Variants in AFG2A observed in about 807,000 individuals in gnomAD.
The protein encoded by AFG2A is AAA ATPase AFG2A.
At chr4:122,975,362 C>T in the AFG2A span, among the ~76,000 whole-genome samples, 1 of 152,194 alleles carries the variant, frequency 6.6e-6, no homozygotes, top group Non-Finnish European at 1.5e-5. Context: ...CACCTCCCAT[C>T]AGTGTGTCAT....
the AFG2A span, among the ~76,000 whole-genome samples, chr4:123,081,757 A>G: frequency 6.6e-6 from 1 of 152,130 alleles, no homozygotes; most frequent in Non-Finnish European, 1.5e-5. Context: ...TTTTTACCCC[A>G]TCAGCAGTGA....
the AFG2A span, among the ~76,000 whole-genome samples, chr4:123,058,968 C>G: frequency 3.9e-5 from 6 of 152,188 alleles, no homozygotes; most frequent in Non-Finnish European, 8.8e-5. Flanking sequence ...ACCTATGAGC[C>G]TATAAAATCA....
At chr4:123,067,695 T>C in the AFG2A span, among the ~76,000 whole-genome samples, 1 of 152,128 alleles carries the variant, frequency 6.6e-6, no homozygotes, top group East Asian at 1.9e-4. Context: ...AGTTAGGAAA[T>C]TCATGTATTC....
chr4:123,196,190 T>TTTC, the AFG2A span, among the ~76,000 whole-genome samples: 1 of 145,862 alleles, frequency 6.9e-6, no homozygotes, highest in African/African-American at 2.5e-5. Flanking sequence ...TTTTTTTTTT[T>TTTC]AGTAGGGATG....
the AFG2A span, among the ~76,000 whole-genome samples, chr4:122,976,214 C>T: frequency 1.3e-5 from 2 of 152,162 alleles, no homozygotes; most frequent in Admixed American, 6.5e-5. Flanking sequence ...TGAGATTAAA[C>T]TCCTTCAAAG....
At chr4:123,162,163 A>G in the AFG2A span, among the ~76,000 whole-genome samples, 1 of 152,246 alleles carries the variant, frequency 6.6e-6, no homozygotes, top group Non-Finnish European at 1.5e-5. Flanking sequence ...TGTGTCCGGA[A>G]GAGTGTGACC....
At chr4:123,129,724 A>G in the AFG2A span, among the ~76,000 whole-genome samples, 119 of 152,242 alleles carry the variant, frequency 7.8e-4, 4 homozygotes, top group East Asian at 0.019. Flanking sequence ...CACGGGACCC[A>G]TCTTCTCTCA....
the AFG2A span, among the ~76,000 whole-genome samples, chr4:123,196,600 G>A: frequency 6.6e-6 from 1 of 152,066 alleles, no homozygotes; most frequent in Non-Finnish European, 1.5e-5. Context: ...CATGTTTGAG[G>A]AATTTCGTAT....
At chr4:123,042,147 T>C in the AFG2A span, among the ~76,000 whole-genome samples, 4 of 152,238 alleles carry the variant, frequency 2.6e-5, no homozygotes, top group African/African-American at 2.4e-5. Flanking sequence ...GTGAAGGTAA[T>C]TGTCTTATTT....
chr4:123,315,965 A>G, the AFG2A span: 1 of 151,990 alleles, frequency 6.6e-6, no homozygotes. Flanking sequence ...TTAAACAGAG[A>G]GACAGAGTCT....
the AFG2A span, among the ~76,000 whole-genome samples, chr4:123,123,185 C>A: frequency 6.6e-6 from 1 of 152,070 alleles, no homozygotes; most frequent in African/African-American, 2.4e-5. Flanking sequence ...GGTTGGAGAT[C>A]CACAGGCAAC....
the AFG2A span, among the ~76,000 whole-genome samples, chr4:123,276,814 G>T: frequency 2.0e-5 from 3 of 151,964 alleles, no homozygotes; most frequent in African/African-American, 2.4e-5. Context: ...TTATTTCTGG[G>T]TTCTCTATTC....
the AFG2A span, among the ~76,000 whole-genome samples, chr4:123,072,789 T>C: frequency 1.3e-5 from 1 of 77,986 alleles, no homozygotes; most frequent in East Asian, 5.6e-4. Flanking sequence ...TTTTGTGATA[T>C]TGGAAATGAT....
At chr4:123,099,182 C>T in the AFG2A span, among the ~76,000 whole-genome samples, 1 of 151,806 alleles carries the variant, frequency 6.6e-6, no homozygotes, top group Non-Finnish European at 1.5e-5. Flanking sequence ...CTATTCAGGT[C>T]TTTTGCCCAT....
chr4:123,196,561 T>C, the AFG2A span, among the ~76,000 whole-genome samples: 1 of 152,160 alleles, frequency 6.6e-6, no homozygotes. Flanking sequence ...AGACCATTAC[T>C]TCTGAATATT....
At chr4:123,258,584 C>G in the AFG2A span, among the ~76,000 whole-genome samples, 1 of 152,120 alleles carries the variant, frequency 6.6e-6, no homozygotes, top group Non-Finnish European at 1.5e-5. Flanking sequence ...GTTGGAGTGT[C>G]TCTTTGGCCA....
the AFG2A span, among the ~76,000 whole-genome samples, chr4:122,981,460 C>T: frequency 1.1e-5 from 1 of 89,750 alleles, no homozygotes; most frequent in African/African-American, 4.0e-5. Context: ...GTGATGCCTA[C>T]AGCTTTTTTT....
At chr4:123,279,310 T>C in the AFG2A span, among the ~76,000 whole-genome samples, 2 of 151,608 alleles carry the variant, frequency 1.3e-5, no homozygotes, top group African/African-American at 4.9e-5. Flanking sequence ...CAGCTGAGGC[T>C]GGGGCAAGGA....
chr4:123,060,709 C>T, the AFG2A span, among the ~76,000 whole-genome samples: 1 of 152,166 alleles, frequency 6.6e-6, no homozygotes, highest in Non-Finnish European at 1.5e-5. Context: ...GGGAAGGTCT[C>T]TGATCTTCCC....
Sources: allele counts gnomAD v4.1 joint callset (sites outside exome capture counted in the v4.1 genomes callset), GRCh38; gene constraint gnomAD v4.1.1; transcripts MANE v1.5; gene names NCBI Gene and HGNC (gene_info 2026-07-23, HGNC 2026-07-21).